SPMIP4: variants seen among roughly 807,000 people sequenced by gnomAD.
The protein encoded by SPMIP4 is sperm-associated microtubule inner protein 4.
chr7:25,150,743 A>T, the SPMIP4 span, among the ~76,000 whole-genome samples: 5 of 152,214 alleles, frequency 3.3e-5, no homozygotes, highest in Non-Finnish European at 7.3e-5. Flanking sequence ...GATTTCTGTG[A>T]TCATGACATA....
chr7:25,128,717 C>T, the SPMIP4 span, among the ~76,000 whole-genome samples: 100 of 152,284 alleles, frequency 6.6e-4, no homozygotes, highest in African/African-American at 2.3e-3. This position sits in a 1 kb window ranked among gnomAD's most constrained non-coding sequence, Gnocchi z 4.5. Flanking sequence ...GTATCCAAGT[C>T]GCAAGACAAA....
At chr7:25,173,464 G>A in the SPMIP4 span, among the ~76,000 whole-genome samples, 1 of 152,196 alleles carries the variant, frequency 6.6e-6, no homozygotes, top group Non-Finnish European at 1.5e-5. This position sits in a 1 kb window ranked among gnomAD's most constrained non-coding sequence, Gnocchi z 4.4. Context: ...TTGAATAGTT[G>A]GACAGAGACC....
the SPMIP4 span, among the ~76,000 whole-genome samples, chr7:25,131,725 G>A: frequency 6.6e-6 from 1 of 152,156 alleles, no homozygotes; most frequent in Non-Finnish European, 1.5e-5. This position sits in a 1 kb window ranked among gnomAD's most constrained non-coding sequence, Gnocchi z 4.2. Flanking sequence ...TGAGCCATGT[G>A]GTGAGTGTTA....
chr7:25,168,934 C>T, the SPMIP4 span, among the ~76,000 whole-genome samples: 1 of 150,652 alleles, frequency 6.6e-6, no homozygotes, highest in South Asian at 2.2e-4. Context: ...ACCATGTCGG[C>T]CAGGCTGGTC....
At chr7:25,128,484 C>G in the SPMIP4 span, among the ~76,000 whole-genome samples, 1 of 152,236 alleles carries the variant, frequency 6.6e-6, no homozygotes, top group Non-Finnish European at 1.5e-5. This position sits in a 1 kb window ranked among gnomAD's most constrained non-coding sequence, Gnocchi z 4.5. Flanking sequence ...CACCATTGCA[C>G]TAGCCCATGG....
chr7:25,125,827 G>GTT, the SPMIP4 span: 1 of 754,752 alleles, frequency 1.3e-6, no homozygotes, highest in Non-Finnish European at 1.6e-6. Flanking sequence ...GGAACCAGGA[G>GTT]TTACACGAGT....
the SPMIP4 span, among the ~76,000 whole-genome samples, chr7:25,164,538 T>C: frequency 6.6e-6 from 1 of 152,200 alleles, no homozygotes; most frequent in African/African-American, 2.4e-5. Flanking sequence ...TGGGTTGTTC[T>C]ATCAAGTAAC....
chr7:25,162,258 G>A, the SPMIP4 span, among the ~76,000 whole-genome samples: 2 of 120,404 alleles, frequency 1.7e-5, no homozygotes, highest in Non-Finnish European at 3.3e-5. Flanking sequence ...GCAACAGAGT[G>A]AAACTCTGTC....
the SPMIP4 span, chr7:25,136,059 T>C: frequency 6.2e-7 from 1 of 1,614,154 alleles, no homozygotes; most frequent in East Asian, 2.2e-5. The surrounding 1 kb of genome is among the most constrained non-coding windows in gnomAD (Gnocchi z 5.7). Context: ...TATGGTCTTC[T>C]AGAATTGATT....
chr7:25,164,418 C>G, the SPMIP4 span, among the ~76,000 whole-genome samples: 1 of 152,086 alleles, frequency 6.6e-6, no homozygotes, highest in Non-Finnish European at 1.5e-5. Flanking sequence ...ACCTGGGGAA[C>G]CTTTTGAACA....
At chr7:25,146,604 A>G in the SPMIP4 span, among the ~76,000 whole-genome samples, 1 of 152,182 alleles carries the variant, frequency 6.6e-6, no homozygotes, top group East Asian at 1.9e-4. Flanking sequence ...TGGGCATTTT[A>G]GATTGGAAAG....
At chr7:25,158,792 C>A in the SPMIP4 span, among the ~76,000 whole-genome samples, 1 of 151,738 alleles carries the variant, frequency 6.6e-6, no homozygotes, top group Non-Finnish European at 1.5e-5. Flanking sequence ...TGCCTGTAAT[C>A]CCAGCTACTC....
At chr7:25,130,456 G>C in the SPMIP4 span, among the ~76,000 whole-genome samples, 1 of 151,804 alleles carries the variant, frequency 6.6e-6, no homozygotes, top group Non-Finnish European at 1.5e-5. Context: ...GGGATTACAG[G>C]TGTGTGCCAC....
chr7:25,155,145 ATG>A, the SPMIP4 span: 1 of 1,609,832 alleles, frequency 6.2e-7, no homozygotes, highest in Non-Finnish European at 8.5e-7. Context: ...GCCGCGACAG[ATG>A]TGTGTGTGGT....
the SPMIP4 span, chr7:25,142,528 T>A: frequency 6.0e-6 from 6 of 1,007,084 alleles, no homozygotes; most frequent in African/African-American, 1.7e-5. Context: ...ACTTTAGGAT[T>A]TAAATACTTT....
At chr7:25,176,865 A>G in the SPMIP4 span, among the ~76,000 whole-genome samples, 5 of 152,342 alleles carry the variant, frequency 3.3e-5, no homozygotes, top group South Asian at 1.0e-3. The surrounding 1 kb of genome is among the most constrained non-coding windows in gnomAD (Gnocchi z 4.4). Flanking sequence ...TGTAAACCGG[A>G]GAAGATCTGT....
chr7:25,135,907 G>A, the SPMIP4 span: 1 of 1,515,606 alleles, frequency 6.6e-7, no homozygotes, highest in Non-Finnish European at 8.8e-7. Flanking sequence ...GCAATACGAA[G>A]GAAATTCTGT....
the SPMIP4 span, among the ~76,000 whole-genome samples, chr7:25,176,114 G>C: frequency 1.3e-5 from 2 of 152,140 alleles, no homozygotes. This position sits in a 1 kb window ranked among gnomAD's most constrained non-coding sequence, Gnocchi z 4.4. Flanking sequence ...GCCATATATC[G>C]TGTTGAATTT....
the SPMIP4 span, chr7:25,161,216 T>C: frequency 1.3e-6 from 2 of 1,566,378 alleles, no homozygotes; most frequent in Non-Finnish European, 1.7e-6. Flanking sequence ...GACATCACTT[T>C]TTTTGTTCTG....
Sources: gnomAD v4.1 joint callset for allele counts (sites outside exome capture counted in the v4.1 genomes callset) on GRCh38, gnomAD v4.1.1 for gene constraint, Gnocchi (gnomAD v3.1) non-coding constraint, MANE v1.5 for transcripts, NCBI Gene and HGNC (gene_info 2026-07-23, HGNC 2026-07-21) for gene names.